The following CLVS1 variants were observed in gnomAD, a reference collection of about 807,000 sequenced individuals.
CLVS1 encodes clavesin 1.
A neutral mutation model predicts 33.1 loss-of-function variants in CLVS1; 10 were observed. The observed-to-expected ratio is 0.30, with a 90% CI of 0.19 to 0.51. The LOEUF (loss-of-function observed/expected upper bound fraction) is 0.51. Ranked by LOEUF, CLVS1 falls within the 20% of genes least tolerant of loss-of-function variation. The pLI, the probability that CLVS1 is intolerant of heterozygous loss-of-function variation, is 0.97. For missense variants in CLVS1, 343 were observed against 433.4 expected, an observed-to-expected ratio of 0.79 and a Z score of 1.85; for synonymous variants, 163 against 166.1, an observed-to-expected ratio of 0.98 and a Z score of 0.14.
At chr8:61,366,312 T>C (rs1813208453) in intron 2 of CLVS1, among the ~76,000 whole-genome samples, 1 of 152,206 alleles carries the variant, frequency 6.6e-6, no homozygotes, top group Admixed American at 6.5e-5. Context: ...CAAGCCTTCC[T>C]GTTTGTAAGC....
At chr8:61,304,837 A>G (rs1309229519) in intron 2 of CLVS1, among the ~76,000 whole-genome samples, 1 of 152,220 alleles carries the variant, frequency 6.6e-6, no homozygotes, top group African/African-American at 2.4e-5. Flanking sequence ...AAATTGGTCA[A>G]GTAATTTTAC....
intron 3 of CLVS1, among the ~76,000 whole-genome samples, chr8:61,426,731 C>T (rs1342988618): frequency 2.0e-5 from 3 of 152,196 alleles, no homozygotes; most frequent in African/African-American, 4.8e-5. Flanking sequence ...CAGCAACCCT[C>T]TTCTGTGCTT....
At chr8:61,127,216 C>CTT (rs759525568) in intron 1 of CLVS1, among the ~76,000 whole-genome samples, 3 of 142,022 alleles carry the variant, frequency 2.1e-5, no homozygotes, top group Non-Finnish European at 1.6e-5. Context: ...TGAGATCAAG[C>CTT]TTTTTTTTTT....
intron 1 of CLVS1, among the ~76,000 whole-genome samples, chr8:61,071,895 A>T (rs1804802914): frequency 6.6e-6 from 1 of 152,172 alleles, no homozygotes; most frequent in Non-Finnish European, 1.5e-5. Context: ...TTCTGTTGTC[A>T]GTGCTTTTGT....
At chr8:61,031,654 AT>A in the CLVS1 span, among the ~76,000 whole-genome samples, 1 of 152,222 alleles carries the variant, frequency 6.6e-6, no homozygotes, top group Non-Finnish European at 1.5e-5. Context: ...GGCAGAGGAA[AT>A]AAACAAATTG....
chr8:61,168,807 A>T (rs953699314), intron 2 of CLVS1, among the ~76,000 whole-genome samples: 14 of 152,250 alleles, frequency 9.2e-5, no homozygotes, highest in Non-Finnish European at 1.5e-5. Flanking sequence ...CCTGCACACC[A>T]GGATACTCTG....
chr8:61,250,597 C>A (rs1437731184), intron 2 of CLVS1, among the ~76,000 whole-genome samples: 1 of 152,126 alleles, frequency 6.6e-6, no homozygotes. Flanking sequence ...TTTCCTTGAG[C>A]AGTGTTTTGT....
the CLVS1 span, among the ~76,000 whole-genome samples, chr8:61,002,075 C>G: frequency 0.014 from 2,103 of 152,094 alleles, 37 homozygotes; most frequent in South Asian, 0.045. Flanking sequence ...GCCTCTCAGG[C>G]TCTAGCAATC....
chr8:61,149,551 C>CAAAAAAAAAAACA (rs1806483013), intron 2 of CLVS1, among the ~76,000 whole-genome samples: 1 of 52,012 alleles, frequency 1.9e-5, no homozygotes, highest in African/African-American at 6.2e-5. Flanking sequence ...GACTCTGTCT[C>CAAAAAAAAAAACA]AAAAAAAAAA....
chr8:61,473,408 G>A (rs1417128701), intron 5 of CLVS1, among the ~76,000 whole-genome samples: 1 of 151,970 alleles, frequency 6.6e-6, no homozygotes, highest in Non-Finnish European at 1.5e-5. Flanking sequence ...GAAAATGACG[G>A]GGGTGATGCA....
intron 2 of CLVS1, among the ~76,000 whole-genome samples, chr8:61,223,586 C>T (rs552832655): frequency 2.6e-5 from 4 of 152,252 alleles, no homozygotes; most frequent in Admixed American, 2.0e-4. Context: ...GGTGACCTGG[C>T]CTTTTTCTCT....
intron 2 of CLVS1, among the ~76,000 whole-genome samples, chr8:61,149,538 C>T (rs552786175): frequency 4.2e-4 from 38 of 90,746 alleles, no homozygotes; most frequent in African/African-American, 1.5e-3. Flanking sequence ...GGCGACAGAA[C>T]GAGACTCTGT....
rs545787547 is a variant in CLVS1, at chr8:61,422,185, GA to G, written c.631-31948del. Among the ~76,000 whole-genome samples, 688 of 150,790 alleles carry G rather than the reference GA, an allele frequency of 4.6e-3. 6 individuals are homozygous for G. Among genetic ancestry groups the G allele is most frequent in the African/African-American group, 0.016 (647 of 41,088 alleles). ...CATTCAACTTTCTAATTAGAAGCAA[GA>G]AAAAAAACTTAAAGGATCTCTGAAT... On this transcript the variant is annotated intron_variant, in intron 3 of 5. Transcript: ENST00000325897.
At chr8:61,371,442 T>A (rs1813433667) in intron 2 of CLVS1, among the ~76,000 whole-genome samples, 1 of 152,224 alleles carries the variant, frequency 6.6e-6, no homozygotes, top group Admixed American at 6.5e-5. Flanking sequence ...CTTTGTGGGT[T>A]GTCTGTAATA....
In CLVS1 at chr8:61,456,744, G is replaced by A. The variant is rs528778677; in HGVS notation, c.742-1563G>A. On this transcript the variant is annotated intron_variant, in intron 4 of 5. Transcript: ENST00000325897. ...ATCCTGGCTATCACGGTGAAACCCC[G>A]TCTGTACTAAAAAATACAAAAAAAT... 2.9e-4 allele frequency among the ~76,000 whole-genome samples: 44 copies of A among 151,724 alleles called. 1 individual carries two copies. In the South Asian group the frequency reaches 8.8e-3, roughly 30 times the overall value.
At chr8:61,376,188 A>G (rs1026438446) in intron 2 of CLVS1, among the ~76,000 whole-genome samples, 1 of 152,234 alleles carries the variant, frequency 6.6e-6, no homozygotes, top group Non-Finnish European at 1.5e-5. Context: ...GCCTCACCTC[A>G]TTTGTTCAGC....
At chr8:60,993,990 T>C in the CLVS1 span, among the ~76,000 whole-genome samples, 1 of 152,238 alleles carries the variant, frequency 6.6e-6, no homozygotes, top group Non-Finnish European at 1.5e-5. Flanking sequence ...CTAAACTGAA[T>C]ATGTAGGCTG....
chr8:61,111,170 A>T (rs1262038949), intron 1 of CLVS1, among the ~76,000 whole-genome samples: 1 of 152,214 alleles, frequency 6.6e-6, no homozygotes. Flanking sequence ...AATTCCTGAA[A>T]AAATGCAATG....
chr8:61,412,062 C>T (rs1287359098), intron 3 of CLVS1, among the ~76,000 whole-genome samples: 1 of 152,134 alleles, frequency 6.6e-6, no homozygotes, highest in Admixed American at 6.5e-5. Flanking sequence ...GGCCTGGCCT[C>T]TTCCTAGCAG....
Sources: gnomAD v4.1 joint callset for allele counts (sites outside exome capture counted in the v4.1 genomes callset) on GRCh38, gnomAD v4.1.1 for gene constraint, MANE v1.5 for transcripts, NCBI Gene and HGNC (gene_info 2026-07-23, HGNC 2026-07-21) for gene names.